The following LYPD1 variants were observed in gnomAD, a reference collection of about 807,000 sequenced individuals.
LYPD1 encodes LY6/PLAUR domain containing 1, also known as ly6/PLAUR domain-containing protein 1.
In LYPD1, 14 loss-of-function variants were observed where a neutral mutation model predicts 14.2. The ratio of observed to expected loss-of-function variants is 0.99; its 90% CI spans 0.65 to 1.54. The LOEUF (loss-of-function observed/expected upper bound fraction) is 1.54. Ranked by LOEUF, LYPD1 falls within the 40% of genes most tolerant of loss-of-function variation. The pLI is 0.00. For synonymous variants in LYPD1, 85 were observed against 70.6 expected (o/e 1.20, Z -1.02); for missense variants, 165 against 175.7 (o/e 0.94, Z 0.34).
chr2:132,647,814 G>GTGTGGT (rs1390677599), intron 2 of LYPD1, among the ~76,000 whole-genome samples: 11 of 152,168 alleles, frequency 7.2e-5, no homozygotes, highest in Non-Finnish European at 1.2e-4. Context: ...ATGTGGGCAG[G>GTGTGGT]TGTGGTTTTG....
intron 2 of LYPD1, among the ~76,000 whole-genome samples, chr2:132,659,291 C>T (rs1013837699): frequency 6.6e-6 from 1 of 151,878 alleles, no homozygotes; most frequent in Non-Finnish European, 1.5e-5. Context: ...ATAGTTATTG[C>T]GTGTCTCCAT....
chr2:132,670,367 C>T (rs2104935095), upstream of LYPD1, among the ~76,000 whole-genome samples: 1 of 152,264 alleles, frequency 6.6e-6, no homozygotes. The surrounding 1 kb of genome is among the most constrained non-coding windows in gnomAD (Gnocchi z 4.5). Context: ...TCCTCTTCTC[C>T]CGCCTCCGCA....
In LYPD1 at chr2:132,645,521, T is replaced by TGAG. The variant is rs1558871344; in HGVS notation, c.*521_*523dup. On this transcript the variant is annotated 3_prime_UTR_variant, in exon 3 of 3. Coordinates refer to ENST00000397463, the MANE Select transcript of LYPD1 (RefSeq NM_144586.7). ...GAGCCCCAGTCTAAGTCCCAGTCAT[T>TGAG]GAGTCTCGAGTCACTAGAGCCCAAC... The TGAG allele has an allele frequency of 6.2e-7, 1 of 1,614,182 alleles. No individual in the cohort carries two copies. Among genetic ancestry groups the TGAG allele is most frequent in the South Asian group, 1.1e-5 (1 of 91,084 alleles).
At chr2:132,666,071 C>G (rs1437413784) in intron 2 of LYPD1, among the ~76,000 whole-genome samples, 1 of 152,108 alleles carries the variant, frequency 6.6e-6, no homozygotes, top group Non-Finnish European at 1.5e-5. Flanking sequence ...GAAACAAGAT[C>G]CTGAAAGAGG....
At chr2:132,651,590 A>G (rs912348891) in intron 2 of LYPD1, among the ~76,000 whole-genome samples, 2 of 152,226 alleles carry the variant, frequency 1.3e-5, no homozygotes, top group African/African-American at 4.8e-5. Flanking sequence ...CCTTCAAAAC[A>G]AAACACACTT....
chr2:132,666,106 T>A (rs925727502), intron 2 of LYPD1, among the ~76,000 whole-genome samples: 1 of 152,198 alleles, frequency 6.6e-6, no homozygotes, highest in African/African-American at 2.4e-5. Context: ...CGAGATTCTA[T>A]ATGTGCAACC....
chr2:132,645,524 G>C lies in LYPD1; in HGVS notation c.*521C>G. On this transcript the variant is annotated 3_prime_UTR_variant, in exon 3 of 3. Coordinates refer to ENST00000397463, the MANE Select transcript of LYPD1 (RefSeq NM_144586.7). ...CCCCAGTCTAAGTCCCAGTCATTGA[G>C]TCTCGAGTCACTAGAGCCCAACTCA... 6.2e-7 allele frequency: 1 copy of C among 1,614,180 alleles called. No homozygotes were observed. Among genetic ancestry groups the C allele is most frequent in the Non-Finnish European group, 8.5e-7 (1 of 1,180,028 alleles).
intron 2 of LYPD1, among the ~76,000 whole-genome samples, chr2:132,659,240 T>G (rs1337272015): frequency 1.3e-5 from 2 of 152,244 alleles, no homozygotes; most frequent in African/African-American, 4.8e-5. Context: ...TAAATCTGTT[T>G]TAGCTTGAAA....
chr2:132,659,418 T>C (rs1194294442), intron 2 of LYPD1, among the ~76,000 whole-genome samples: 1 of 152,152 alleles, frequency 6.6e-6, no homozygotes, highest in Non-Finnish European at 1.5e-5. Flanking sequence ...TTCAGGATCT[T>C]GTACATAGAA....
chr2:132,669,418 G>A lies in LYPD1; in HGVS notation c.52+463C>T, dbSNP rs999570723. ...TCTAGACCCAACTACCCACGCTCCC[G>A]CAGCCCCACATCTATCGCACTCTGA... On this transcript the variant is annotated intron_variant, in intron 1 of 2. Coordinates refer to ENST00000397463, the MANE Select transcript of LYPD1 (RefSeq NM_144586.7). This position sits in a 1 kb window ranked among gnomAD's most constrained non-coding sequence, Gnocchi z 4.3. Among the ~76,000 whole-genome samples, 1 of 152,068 alleles carries A rather than the reference G, an allele frequency of 6.6e-6. No individual in the cohort carries two copies. Among genetic ancestry groups the A allele is most frequent in the Non-Finnish European group, 1.5e-5 (1 of 68,012 alleles).
chr2:132,645,532 T>TCA lies in LYPD1; in HGVS notation c.*511_*512dup. 1 of 1,613,962 alleles carries TCA rather than the reference T, an allele frequency of 6.2e-7. No homozygotes were observed. The highest frequency in any genetic ancestry group is 8.5e-7 in the Non-Finnish European group (1 of 1,179,972). On this transcript the variant is annotated 3_prime_UTR_variant, in exon 3 of 3. Transcript: ENST00000397463. Reference sequence around the variant, plus strand: ...TAAGTCCCAGTCATTGAGTCTCGAGTCACTAGAGCCCAACTCAGGCGCGAA... The same window carrying TCA: ...TAAGTCCCAGTCATTGAGTCTCGAGTCACACTAGAGCCCAACTCAGGCGCGAA...
chr2:132,645,613 A>G lies in LYPD1; in HGVS notation c.*432T>C. ...TCAGGAGCATGAAGTTTGAATGTCA[A>G]GCGAGGGAGCCTTGAGTGGGAACTG... On this transcript the variant is annotated 3_prime_UTR_variant, in exon 3 of 3. Transcript: ENST00000397463. The G allele has an allele frequency of 1.9e-6, 3 of 1,605,844 alleles. No homozygotes were observed. The South Asian group carries it at 3.3e-5, about 18-fold the overall frequency.
intron 2 of LYPD1, among the ~76,000 whole-genome samples, chr2:132,665,776 C>A (rs1363198116): frequency 6.6e-6 from 1 of 152,160 alleles, no homozygotes; most frequent in East Asian, 1.9e-4. Flanking sequence ...GACCCATGGC[C>A]AGATATACCA....
intron 2 of LYPD1, among the ~76,000 whole-genome samples, chr2:132,656,093 G>A (rs1034137526): frequency 1.3e-5 from 2 of 152,112 alleles, no homozygotes; most frequent in Non-Finnish European, 2.9e-5. Context: ...TTTAACCTCT[G>A]CCCCAGTGGT....
At chr2:132,661,792 G>A (rs919649531) in intron 2 of LYPD1, among the ~76,000 whole-genome samples, 5 of 152,066 alleles carry the variant, frequency 3.3e-5, no homozygotes, top group Non-Finnish European at 7.4e-5. Flanking sequence ...GTGATGAAAT[G>A]TTCTTGAACT....
At chr2:132,654,307 G>A in intron 2 of LYPD1, among the ~76,000 whole-genome samples, 1 of 151,980 alleles carries the variant, frequency 6.6e-6, no homozygotes, top group East Asian at 1.9e-4. Context: ...AGGCTTAGGT[G>A]GGATGATCAT....
At chr2:132,661,952 A>C (rs1176302703) in intron 2 of LYPD1, among the ~76,000 whole-genome samples, 7 of 151,850 alleles carry the variant, frequency 4.6e-5, no homozygotes, top group South Asian at 2.1e-4. Context: ...AAAAAAAAAA[A>C]AAAACCTGGA....
chr2:132,670,261 A>C, upstream of LYPD1: 4 of 438,542 alleles, frequency 9.1e-6, no homozygotes, highest in Non-Finnish European at 1.4e-5. This position sits in a 1 kb window ranked among gnomAD's most constrained non-coding sequence, Gnocchi z 4.5. Context: ...CCCACCTCCC[A>C]CTCCAGGCAT....
chr2:132,670,404 G>A (rs1318287501), upstream of LYPD1, among the ~76,000 whole-genome samples: 1 of 152,088 alleles, frequency 6.6e-6, no homozygotes, highest in Non-Finnish European at 1.5e-5. This position sits in a 1 kb window ranked among gnomAD's most constrained non-coding sequence, Gnocchi z 4.5. Context: ...GCGCCGGGGG[G>A]CGGGAGAGAA....
Sources: gnomAD v4.1 joint callset for allele counts (sites outside exome capture counted in the v4.1 genomes callset) on GRCh38, gnomAD v4.1.1 for gene constraint, Gnocchi (gnomAD v3.1) non-coding constraint, MANE v1.5 for transcripts, NCBI Gene and HGNC (gene_info 2026-07-23, HGNC 2026-07-21) for gene names.